Variants in SAMD3 observed in about 807,000 individuals in gnomAD.
SAMD3 encodes sterile alpha motif domain-containing protein 3.
Under a neutral mutation model 58.5 loss-of-function variants are expected in SAMD3, and 63 were observed. That is an observed-to-expected ratio of 1.08 (90% CI 0.88 to 1.33). SAMD3 has a LOEUF of 1.33. SAMD3 is among the 40% of genes most tolerant of loss of function. The pLI is 0.00. For synonymous variants in SAMD3, 220 were observed against 210.3 expected (o/e 1.05, Z -0.40); for missense variants, 604 against 608.4 (o/e 0.99, Z 0.08).
At chr6:130,361,534 C>T (rs1371949396) in intron 1 of SAMD3, among the ~76,000 whole-genome samples, 2 of 152,098 alleles carry the variant, frequency 1.3e-5, no homozygotes, top group East Asian at 1.9e-4. Flanking sequence ...TATTTATAAA[C>T]ATTTTAGAAT....
At chr6:130,197,593 T>C (rs1197464577) in intron 5 of SAMD3, among the ~76,000 whole-genome samples, 2 of 152,102 alleles carry the variant, frequency 1.3e-5, no homozygotes, top group African/African-American at 4.8e-5. Flanking sequence ...TAATTCTAAA[T>C]GACAAATATT....
At chr6:130,194,378 C>A (rs1458555297) in intron 5 of SAMD3, among the ~76,000 whole-genome samples, 1 of 152,210 alleles carries the variant, frequency 6.6e-6, no homozygotes, top group Non-Finnish European at 1.5e-5. Flanking sequence ...CATTTTATTA[C>A]CCAATCTGCT....
At position 130,176,963 on chromosome 6, in the gene SAMD3, T is replaced by G. The variant is rs573723722; in HGVS notation, c.655-955A>C. ...ATCATCAACGGCCATGGTCACCCCATTAAGGAACCTCAATGTAATCCTGAA... is the reference window on the plus strand; with the variant it reads ...ATCATCAACGGCCATGGTCACCCCAGTAAGGAACCTCAATGTAATCCTGAA... On this transcript the variant is annotated intron_variant, in intron 7 of 11. Transcript: ENST00000439090. Among the ~76,000 whole-genome samples, 11 of 152,174 alleles carry G rather than the reference T, an allele frequency of 7.2e-5. No homozygotes were observed. In the South Asian group the frequency reaches 2.3e-3, roughly 32 times the overall value.
chr6:130,199,672 AAT>A (rs1423995990), intron 5 of SAMD3, among the ~76,000 whole-genome samples: 1 of 152,224 alleles, frequency 6.6e-6, no homozygotes, highest in African/African-American at 2.4e-5. Flanking sequence ...TGAAGAGCTC[AAT>A]AGAGACACGT....
At chr6:130,260,954 C>A (rs1774105266) in intron 2 of SAMD3, among the ~76,000 whole-genome samples, 1 of 152,184 alleles carries the variant, frequency 6.6e-6, no homozygotes, top group Admixed American at 6.5e-5. Flanking sequence ...CCTTTATCGG[C>A]ACTTTGGTTT....
chr6:130,308,355 A>ATTCTATTCT (rs1775983214), intron 2 of SAMD3, among the ~76,000 whole-genome samples: 2 of 14,666 alleles, frequency 1.4e-4, no homozygotes, highest in African/African-American at 4.4e-4. Flanking sequence ...ATAGAATTCT[A>ATTCTATTCT]TTCTATTCTA....
At position 130,280,685 on chromosome 6, in the gene SAMD3, T is replaced by C. The variant is rs567868122; in HGVS notation, c.-188+32293A>G. Among the ~76,000 whole-genome samples, 22 of 152,328 alleles carry C rather than the reference T, an allele frequency of 1.4e-4. No homozygotes were observed. In the South Asian group the frequency reaches 4.1e-3, roughly 29 times the overall value. ...TTCAGCATGTACACATAGAATCCCATATTATAGTTATTTGGAACATTACAT... is the reference window on the plus strand; with the variant it reads ...TTCAGCATGTACACATAGAATCCCACATTATAGTTATTTGGAACATTACAT... On this transcript the variant is annotated intron_variant, in intron 2 of 13. Transcript: ENST00000368134.
At chr6:130,303,420 T>C (rs974427652) in intron 2 of SAMD3, among the ~76,000 whole-genome samples, 1 of 152,204 alleles carries the variant, frequency 6.6e-6, no homozygotes, top group South Asian at 2.1e-4. Context: ...AGGTACTTAA[T>C]AGGCAACTTA....
At chr6:130,248,553 A>AG (rs1457373880) in intron 2 of SAMD3, among the ~76,000 whole-genome samples, 3 of 152,186 alleles carry the variant, frequency 2.0e-5, no homozygotes, top group Admixed American at 6.5e-5. Flanking sequence ...TTGCCACCCC[A>AG]GGGATGCCAG....
exon 2 of SAMD3, chr6:130,313,083 T>G (rs2114990842): frequency 6.6e-6 from 1 of 152,300 alleles, no homozygotes; most frequent in South Asian, 2.1e-4. Flanking sequence ...AGTTAGAATC[T>G]CTTGGAGAGC....
chr6:130,167,377 C>T (rs1790823605), intron 8 of SAMD3, among the ~76,000 whole-genome samples: 2 of 152,110 alleles, frequency 1.3e-5, no homozygotes, highest in African/African-American at 4.8e-5. Context: ...AGAAAAAGAT[C>T]CAGCACAGGG....
intron 1 of SAMD3, among the ~76,000 whole-genome samples, chr6:130,319,133 A>T (rs1347267654): frequency 1.3e-5 from 2 of 152,190 alleles, no homozygotes. Flanking sequence ...GAATCAATAA[A>T]GCATCAGTGG....
chr6:130,322,613 G>A (rs1441475270), intron 1 of SAMD3, among the ~76,000 whole-genome samples: 3 of 152,154 alleles, frequency 2.0e-5, no homozygotes, highest in Admixed American at 2.0e-4. Flanking sequence ...CCCAGCCTGG[G>A]CGACAGAGTG....
chr6:130,350,456 T>A (rs1777616792), intron 1 of SAMD3, among the ~76,000 whole-genome samples: 1 of 151,938 alleles, frequency 6.6e-6, no homozygotes, highest in South Asian at 2.1e-4. Flanking sequence ...AAATCATGAG[T>A]GAACTCCCAT....
intron 2 of SAMD3, among the ~76,000 whole-genome samples, chr6:130,300,629 G>A (rs765683995): frequency 9.2e-5 from 14 of 152,010 alleles, no homozygotes; most frequent in South Asian, 2.1e-4. Flanking sequence ...TCTAGCTACA[G>A]AATTCAGAAA....
intron 2 of SAMD3, among the ~76,000 whole-genome samples, chr6:130,256,017 G>A (rs908150315): frequency 2.0e-5 from 3 of 151,318 alleles, no homozygotes. Flanking sequence ...TTTCTTGGTT[G>A]CTGTCTTCCT....
chr6:130,312,683 CT>C (rs1273568133), intron 2 of SAMD3, among the ~76,000 whole-genome samples: 1 of 152,124 alleles, frequency 6.6e-6, no homozygotes, highest in South Asian at 2.1e-4. Context: ...GCTTTCTAAA[CT>C]TTTTTTCTTT....
chr6:130,354,220 T>C (rs1777760748), intron 1 of SAMD3, among the ~76,000 whole-genome samples: 1 of 152,198 alleles, frequency 6.6e-6, no homozygotes, highest in South Asian at 2.1e-4. Flanking sequence ...TCATACACTG[T>C]TGGTGGGAGT....
At chr6:130,308,408 C>CTATTCTATT (rs1562513172) in intron 2 of SAMD3, among the ~76,000 whole-genome samples, 4 of 143,944 alleles carry the variant, frequency 2.8e-5, no homozygotes, top group African/African-American at 1.1e-4. Context: ...CTATTCTATT[C>CTATTCTATT]TATTCTATTC....
Sources: gnomAD v4.1 joint callset for allele counts (sites outside exome capture counted in the v4.1 genomes callset) on GRCh38, gnomAD v4.1.1 for gene constraint, MANE v1.5 for transcripts, NCBI Gene and HGNC (gene_info 2026-07-23, HGNC 2026-07-21) for gene names.